The following GLI3 variants were observed in gnomAD, a reference collection of about 807,000 sequenced individuals.
GLI3 encodes the protein GLI family zinc finger 3, also known as transcription activator GLI3.
In GLI3, 20 loss-of-function variants were observed where a neutral mutation model predicts 100.8. The observed-to-expected ratio is 0.20, with a 90% CI of 0.14 to 0.29. The LOEUF is 0.29. Among genes scored for constraint, GLI3 ranks in the 10% least tolerant of loss-of-function variants. The pLI, the probability that GLI3 is intolerant of heterozygous loss-of-function variation, is 1.00. For synonymous variants in GLI3, 938 were observed against 860.5 expected, an observed-to-expected ratio of 1.09 and a Z score of -1.58; for missense variants, 2,040 against 2,128.5, an observed-to-expected ratio of 0.96 and a Z score of 0.82.
chr7:42,065,702 T>C (rs1188402854), intron 4 of GLI3, among the ~76,000 whole-genome samples: 1 of 152,166 alleles, frequency 6.6e-6, no homozygotes, highest in African/African-American at 2.4e-5. Context: ...TTTAGATATG[T>C]AAATTTAACT....
intron 2 of GLI3, among the ~76,000 whole-genome samples, chr7:42,153,021 T>C: frequency 6.6e-6 from 1 of 152,194 alleles, no homozygotes; most frequent in Non-Finnish European, 1.5e-5. Context: ...TGTTCAAAAC[T>C]AGGCTCTCTA....
rs1181815596 is a variant in GLI3 at position 41,966,262 on chromosome 7, T to G, written c.2811A>C (p.Thr937=). The G allele has an allele frequency of 6.2e-7, 1 of 1,607,864 alleles. No homozygotes were observed. The highest frequency in any genetic ancestry group is 1.1e-5 in the South Asian group (1 of 91,034). ...GCAGGGGCGTCGGCGGCGGCCCTCC[T>G]GTGGCAGCCGCGTACTTGGCCTTGA... ...YRLKAKYAAA[T]GGPPPTPLPN... Residue 937 remains threonine, a synonymous_variant, in exon 15 of 15, where the codon ACA becomes ACC. Coordinates refer to ENST00000395925, the MANE Select transcript of GLI3 (RefSeq NM_000168.6). This position sits in a 1 kb window ranked among gnomAD's most constrained non-coding sequence, Gnocchi z 5.8.
intron 10 of GLI3, 141 bp downstream of exon 10, chr7:42,023,327 A>T: frequency 1.2e-6 from 1 of 806,912 alleles, no homozygotes; most frequent in Non-Finnish European, 2.0e-6. Context: ...AGTTTTCTTT[A>T]TTCTCAGAAA....
chr7:42,096,010 G>A (rs189972344), intron 3 of GLI3, among the ~76,000 whole-genome samples: 1 of 152,302 alleles, frequency 6.6e-6, no homozygotes, highest in Non-Finnish European at 1.5e-5. Flanking sequence ...GGGCCTCCAA[G>A]GGGCCAGAGG....
At chr7:42,220,982 T>C (rs1184148961) in intron 2 of GLI3, among the ~76,000 whole-genome samples, 1 of 152,180 alleles carries the variant, frequency 6.6e-6, no homozygotes, top group Non-Finnish European at 1.5e-5. Context: ...AGGACAGGAT[T>C]CATACACATT....
chr7:42,083,441 G>A (rs1785037622), intron 3 of GLI3, among the ~76,000 whole-genome samples: 1 of 152,156 alleles, frequency 6.6e-6, no homozygotes, highest in Non-Finnish European at 1.5e-5. Flanking sequence ...TTCATCTGTT[G>A]ATGGACACTT....
At chr7:42,213,300 A>G (rs1788307166) in intron 2 of GLI3, among the ~76,000 whole-genome samples, 1 of 152,240 alleles carries the variant, frequency 6.6e-6, no homozygotes. Flanking sequence ...CTACAATTTC[A>G]AAATACTTGC....
In GLI3 at chr7:42,076,733, A is replaced by C; in HGVS notation, c.473+19T>G. The C allele has an allele frequency of 7.0e-7, 1 of 1,429,342 alleles. No homozygotes were observed. The highest frequency in any genetic ancestry group is 9.9e-7 in the Non-Finnish European group (1 of 1,010,902). The allele number at this position is 1,429,342 out of a possible 1,614,324, so 88.5% of individuals were successfully genotyped here. A position where few individuals can be genotyped will look rare whatever the true frequency, so the allele number is the denominator to read the frequency against. ...GCATCTCGTTCCATTTCATTAATGA[A>C]GAAAGTGTTAATACTTACATATGCA... On this transcript the variant is annotated intron_variant, in intron 4 of 14. Transcript: ENST00000395925.
At chr7:42,231,966 C>A (rs541166953) in intron 1 of GLI3, among the ~76,000 whole-genome samples, 1 of 151,870 alleles carries the variant, frequency 6.6e-6, no homozygotes, top group East Asian at 1.9e-4. Flanking sequence ...TATAATGTCA[C>A]ACTACCTTCT....
chr7:42,193,647 A>G (rs184172954), intron 2 of GLI3, among the ~76,000 whole-genome samples: 13 of 152,308 alleles, frequency 8.5e-5, no homozygotes, highest in African/African-American at 2.9e-4. Flanking sequence ...ACATCCACCC[A>G]AGGCCTGGTT....
chr7:42,008,964 C>A (rs771081004), intron 10 of GLI3, among the ~76,000 whole-genome samples: 1 of 152,208 alleles, frequency 6.6e-6, no homozygotes, highest in Non-Finnish European at 1.5e-5. Context: ...TCACAAACAA[C>A]TCTGATGATA....
chr7:42,202,634 C>T (rs1788070274), intron 2 of GLI3, among the ~76,000 whole-genome samples: 1 of 152,118 alleles, frequency 6.6e-6, no homozygotes, highest in Admixed American at 6.6e-5. Flanking sequence ...GGCTAAGTGC[C>T]CTCACAAGCA....
intron 3 of GLI3, chr7:42,145,500 G>C (rs1227279986): frequency 2.5e-6 from 1 of 398,152 alleles, no homozygotes; most frequent in East Asian, 3.6e-5. Context: ...TGTTCAGAAG[G>C]CCACAGTGCA....
In GLI3 at chr7:41,965,187, C is replaced by A; in HGVS notation, c.3886G>T (p.Gly1296Cys). The change falls in exon 15 of 15, where the codon GGC becomes TGC. Residue 1296 changes from glycine (G) to cysteine (C), a missense_variant. Physicochemically the swap from Gly to Cys is radical, Grantham distance 159. Coordinates refer to ENST00000395925, the MANE Select transcript of GLI3 (RefSeq NM_000168.6). ...GACTCATTTGGCGCTACCGGCAGGC[C>A]GAAATTCAGCTGGCCCCCGCTCCCT... Reference protein sequence around the residue: ...MQGSGGQLNFGLPVAPNESAG... With the variant: ...MQGSGGQLNFCLPVAPNESAG... 1 of 1,613,846 alleles carries A rather than the reference C, an allele frequency of 6.2e-7. No individual in the cohort carries two copies. The highest frequency in any genetic ancestry group is 8.5e-7 in the Non-Finnish European group (1 of 1,180,030).
At chr7:42,087,714 C>CTTT (rs10574635) in intron 3 of GLI3, among the ~76,000 whole-genome samples, 1 of 145,796 alleles carries the variant, frequency 6.9e-6, no homozygotes, top group Non-Finnish European at 1.5e-5. Flanking sequence ...CCACCACCTA[C>CTTT]TTTTTTTTTT....
intron 5 of GLI3, among the ~76,000 whole-genome samples, chr7:42,047,090 G>C (rs1484350453): frequency 2.0e-5 from 3 of 152,144 alleles, no homozygotes; most frequent in South Asian, 2.1e-4. Context: ...CAGCAGGTCT[G>C]GGGTACAGTG....
intron 3 of GLI3, among the ~76,000 whole-genome samples, chr7:42,111,888 C>T (rs1562736067): frequency 1.3e-5 from 2 of 152,102 alleles, no homozygotes; most frequent in South Asian, 4.1e-4. Context: ...GCAGTGCACC[C>T]GGTATGGGGA....
At chr7:42,073,949 GT>G (rs1784830934) in intron 4 of GLI3, among the ~76,000 whole-genome samples, 2 of 152,110 alleles carry the variant, frequency 1.3e-5, no homozygotes, top group Admixed American at 1.3e-4. Flanking sequence ...TAGCAAATAC[GT>G]GCTTTTAAGA....
In GLI3 at chr7:41,966,088, G is replaced by C. The variant is rs1175715941; in HGVS notation, c.2985C>G (p.His995Gln). 13 of 1,569,982 alleles carry C rather than the reference G, an allele frequency of 8.3e-6. No individual in the cohort carries two copies. The highest frequency in any genetic ancestry group is 1.0e-5 in the Non-Finnish European group (12 of 1,164,126). The part of the protein sequence containing the change: ...HGYGRRHLQP[H>Q]DAPGHGVRRA... ...TCCTCACGCCGTGGCCCGGCGCATC[G>C]TGCGGCTGCAGGTGGCGCCGCCCGT... is the stretch of plus-strand genomic sequence containing the variant. Residue 995 changes from histidine to glutamine, a missense_variant, in exon 15 of 15, where the codon CAC becomes CAG. Around this residue, in one of 5 missense-constraint regions of GLI3, gnomAD observed 1,041 missense variants for 924.0 expected, o/e 1.13. Transcript: ENST00000395925. This position sits in a 1 kb window ranked among gnomAD's most constrained non-coding sequence, Gnocchi z 5.8.
Sources: allele counts gnomAD v4.1 joint callset (sites outside exome capture counted in the v4.1 genomes callset), GRCh38; gene constraint gnomAD v4.1.1; regional missense constraint gnomAD v4.1.1; non-coding constraint Gnocchi (gnomAD v3.1); transcripts MANE v1.5; gene names NCBI Gene and HGNC (gene_info 2026-07-23, HGNC 2026-07-21).